Variants in CEP57L1 observed in about 807,000 individuals in gnomAD.
CEP57L1 encodes the protein centrosomal protein CEP57L1.
CEP57L1 carries 37 observed loss-of-function variants against 61.0 expected under a neutral mutation model. The ratio of observed to expected loss-of-function variants is 0.61; its 90% CI spans 0.47 to 0.80. The LOEUF is 0.80. CEP57L1 is among the 30% of genes least tolerant of loss of function. The probability of loss-of-function intolerance (pLI) is 0.00; values close to 1 mark genes in which losing one functional copy is unlikely to be tolerated. For missense variants in CEP57L1, 422 were observed against 524.7 expected, an observed-to-expected ratio of 0.80 and a Z score of 1.91; for synonymous variants, 137 against 162.3, an observed-to-expected ratio of 0.84 and a Z score of 1.19.
chr6:109,167,688 AAAAAG>A lies in CEP57L1; in HGVS notation c.*4733_*4737del, dbSNP rs796398887. On this transcript the variant is annotated 3_prime_UTR_variant, in exon 11 of 11. Coordinates refer to ENST00000517392, the MANE Select transcript of CEP57L1 (RefSeq NM_001271852.3). ...CAAGACTCTGCCTCAAAGCAAAAAAAAAAAGAAAAGAAAAGAAAAAAGGAATAGCC... is the reference window on the plus strand; with the variant it reads ...CAAGACTCTGCCTCAAAGCAAAAAAAAAAAGAAAAGAAAAAAGGAATAGCC... Among the ~76,000 whole-genome samples the A allele has an allele frequency of 1.1e-3, 162 of 152,212 alleles. No homozygotes were observed. The highest frequency in any genetic ancestry group is 3.4e-3 in the African/African-American group (142 of 41,542).
At chr6:109,162,397 T>C (rs1773795904) in intron 10 of CEP57L1, among the ~76,000 whole-genome samples, 1 of 152,110 alleles carries the variant, frequency 6.6e-6, no homozygotes, top group Non-Finnish European at 1.5e-5. Context: ...CCTCAATCTC[T>C]GCAGCCCATG....
rs1280832297 is a variant in CEP57L1, at chr6:109,123,214, T to A, written c.-3-22005T>A. The stretch of plus-strand genomic sequence containing the variant: ...TGACTTCCAAACCCTTATCTTTGTT[T>A]TTATTATTATTATTATTATCTACTG... On this transcript the variant is annotated intron_variant, in intron 1 of 10. Coordinates refer to ENST00000517392, the MANE Select transcript of CEP57L1 (RefSeq NM_001271852.3). Among the ~76,000 whole-genome samples, 6 of 151,908 alleles carry A rather than the reference T, an allele frequency of 3.9e-5. No homozygotes were observed. The South Asian group carries it at 8.3e-4, about 21-fold the overall frequency.
At chr6:109,122,939 CCTTCAGTGAT>C (rs1324850627) in intron 1 of CEP57L1, among the ~76,000 whole-genome samples, 1 of 152,092 alleles carries the variant, frequency 6.6e-6, no homozygotes, top group African/African-American at 2.4e-5. Context: ...TTTGCTCATT[CCTTCAGTGAT>C]CTTCAAACTT....
intron 1 of CEP57L1, among the ~76,000 whole-genome samples, chr6:109,131,409 A>T (rs1351581328): frequency 6.6e-6 from 1 of 152,110 alleles, no homozygotes; most frequent in Non-Finnish European, 1.5e-5. Flanking sequence ...ACCAGATAAT[A>T]TTCATTTTAC....
intron 1 of CEP57L1, among the ~76,000 whole-genome samples, chr6:109,099,351 A>C (rs563586765): frequency 1.4e-4 from 21 of 152,140 alleles, no homozygotes; most frequent in Non-Finnish European, 2.6e-4. Flanking sequence ...GTGTTCTAGA[A>C]GCAAAATGAA....
intron 9 of CEP57L1, among the ~76,000 whole-genome samples, chr6:109,160,042 G>A (rs1332965249): frequency 6.6e-6 from 1 of 152,140 alleles, no homozygotes; most frequent in Non-Finnish European, 1.5e-5. Flanking sequence ...TTCCATATGG[G>A]ATACATTATA....
intron 1 of CEP57L1, among the ~76,000 whole-genome samples, chr6:109,142,746 C>T (rs1243237272): frequency 6.6e-6 from 1 of 152,048 alleles, no homozygotes; most frequent in Non-Finnish European, 1.5e-5. Flanking sequence ...GAGGTCTTTT[C>T]AGTTACCAAC....
chr6:109,154,990 T>C (rs1773069764), intron 5 of CEP57L1, among the ~76,000 whole-genome samples: 1 of 152,116 alleles, frequency 6.6e-6, no homozygotes, highest in Non-Finnish European at 1.5e-5. Flanking sequence ...TGTGTGTGTG[T>C]ATATTCTTTG....
intron 9 of CEP57L1, 67 bp downstream of exon 9, chr6:109,159,529 G>A: frequency 3.4e-6 from 5 of 1,452,452 alleles, no homozygotes; most frequent in African/African-American, 1.4e-5. Flanking sequence ...GGCTAGTCTT[G>A]AACTCCTGGT....
chr6:109,162,617 AAC>A, intron 10 of CEP57L1, 130 bp from the exon 11 acceptor site: 2 of 644,574 alleles, frequency 3.1e-6, no homozygotes, highest in South Asian at 4.1e-5. Context: ...ATAAATTAAA[AAC>A]TTAATGAATT....
At chr6:109,162,623 A>G in intron 10 of CEP57L1, 126 bp from the exon 11 acceptor site, 1 of 651,568 alleles carries the variant, frequency 1.5e-6, no homozygotes. Context: ...TAAAAACTTA[A>G]TGAATTGAAT....
intron 1 of CEP57L1, among the ~76,000 whole-genome samples, chr6:109,126,278 T>G (rs1773553269): frequency 6.6e-6 from 1 of 152,172 alleles, no homozygotes; most frequent in Non-Finnish European, 1.5e-5. Context: ...CCAACAGATA[T>G]TTGTATAAAT....
intron 1 of CEP57L1, among the ~76,000 whole-genome samples, chr6:109,135,662 T>C (rs1419266928): frequency 7.2e-5 from 11 of 151,916 alleles, no homozygotes; most frequent in African/African-American, 2.7e-4. Flanking sequence ...TGCAATCTAC[T>C]CATCTGACAA....
chr6:109,104,887 C>T lies in CEP57L1; in HGVS notation c.-4+9312C>T, dbSNP rs1583362168. Among the ~76,000 whole-genome samples, 4 of 152,256 alleles carry T rather than the reference C, an allele frequency of 2.6e-5. No homozygotes were observed. The South Asian group carries it at 8.3e-4, about 32-fold the overall frequency. On this transcript the variant is annotated intron_variant, in intron 1 of 10. Transcript: ENST00000517392. ...CAGACATGAGCCACTGCACTGGGTC[C>T]TGATAGGCTTCTTTTAAAATTTTTT...
chr6:109,168,261 T>C lies in CEP57L1; in HGVS notation c.*5291T>C, dbSNP rs376394964. ...TTTAGTAATTTCAAAATGCCGGCCA[T>C]AGCCAGTCTATAATCCAATTCAAAG... On this transcript the variant is annotated 3_prime_UTR_variant, in exon 11 of 11. Transcript: ENST00000517392. 2.4e-4 allele frequency among the ~76,000 whole-genome samples: 36 copies of C among 152,306 alleles called. No individual in the cohort carries two copies. Among genetic ancestry groups the C allele is most frequent in the African/African-American group, 8.2e-4 (34 of 41,572 alleles).
At position 109,170,850 on chromosome 6, in the gene CEP57L1, C is replaced by T. The variant is rs2114994081; in HGVS notation, c.*7880C>T. ...AACACATAAAAAGCATTATTGCCTT[C>T]ATTTTCCCTGAAATGAACCAAGCTA... is the stretch of plus-strand genomic sequence containing the variant. On this transcript the variant is annotated 3_prime_UTR_variant, in exon 11 of 11. Coordinates refer to ENST00000517392, the MANE Select transcript of CEP57L1 (RefSeq NM_001271852.3). Among the ~76,000 whole-genome samples the T allele has an allele frequency of 6.7e-6, 1 of 150,104 alleles. No individual in the cohort carries two copies. Among genetic ancestry groups the T allele is most frequent in the East Asian group, 1.9e-4 (1 of 5,170 alleles).
rs780881618 is a variant in CEP57L1 at position 109,159,431 on chromosome 6, G to T, written c.985G>T (p.Ala329Ser). The T allele has an allele frequency of 7.4e-6, 12 of 1,613,478 alleles. No homozygotes were observed. In the South Asian group the frequency reaches 1.3e-4, roughly 18 times the overall value. ...TGACAATTTATCTGAACTTTTGATGGCAATGCAAGATGAGCTGGACCAAAT... is the reference window on the plus strand; with the variant it reads ...TGACAATTTATCTGAACTTTTGATGTCAATGCAAGATGAGCTGGACCAAAT... ...ICDNLSELLM[A>S]MQDELDQMSM... The change falls in exon 9 of 11, where the codon GCA (alanine) becomes TCA (serine). Residue 329 changes from alanine (A) to serine (S), a missense_variant. Coordinates refer to ENST00000517392, the MANE Select transcript of CEP57L1 (RefSeq NM_001271852.3).
At position 109,166,892 on chromosome 6, in the gene CEP57L1, T is replaced by C. The variant is rs1009538702; in HGVS notation, c.*3922T>C. Among the ~76,000 whole-genome samples, 7 of 152,182 alleles carry C rather than the reference T, an allele frequency of 4.6e-5. No homozygotes were observed. The highest frequency in any genetic ancestry group is 1.7e-4 in the African/African-American group (7 of 41,446). On this transcript the variant is annotated 3_prime_UTR_variant, in exon 11 of 11. Transcript: ENST00000517392. The stretch of plus-strand genomic sequence containing the variant: ...GGTTTCCTGGAACAATATTCAGCTG[T>C]AACTAAAGCTTTATCTACTGAGAAC...
chr6:109,112,326 A>G (rs1336547222), intron 1 of CEP57L1, among the ~76,000 whole-genome samples: 2 of 152,134 alleles, frequency 1.3e-5, no homozygotes, highest in Non-Finnish European at 2.9e-5. Flanking sequence ...TGTTTATAGT[A>G]TTCTGTGATG....
Sources: allele counts gnomAD v4.1 joint callset (sites outside exome capture counted in the v4.1 genomes callset), GRCh38; gene constraint gnomAD v4.1.1; transcripts MANE v1.5; gene names NCBI Gene and HGNC (gene_info 2026-07-23, HGNC 2026-07-21).